Variants in NDFIP2 observed in about 807,000 individuals in gnomAD.
NDFIP2 encodes Nedd4 family interacting protein 2, also known as NEDD4 family-interacting protein 2.
In NDFIP2, 19 loss-of-function variants were observed where a neutral mutation model predicts 36.0. That is an observed-to-expected ratio of 0.53 (90% CI 0.37 to 0.77). The LOEUF is 0.77. Ranked by LOEUF, NDFIP2 falls within the 30% of genes least tolerant of loss-of-function variation. NDFIP2 has a pLI of 0.00. For synonymous variants in NDFIP2, 181 were observed against 167.7 expected, an observed-to-expected ratio of 1.08 and a Z score of -0.61; for missense variants, 446 against 435.8, an observed-to-expected ratio of 1.02 and a Z score of -0.21.
intron 1 of NDFIP2, among the ~76,000 whole-genome samples, chr13:79,488,674 G>C (rs1012129408): frequency 6.6e-6 from 1 of 152,086 alleles, no homozygotes; most frequent in South Asian, 2.1e-4. Context: ...ATATATAATA[G>C]CTATATATTA....
intron 5 of NDFIP2, among the ~76,000 whole-genome samples, chr13:79,545,415 C>T (rs1016223063): frequency 1.2e-4 from 19 of 152,150 alleles, no homozygotes; most frequent in African/African-American, 4.6e-4. Context: ...GAGTTTCTTA[C>T]AGTTTTGTAA....
chr13:79,510,217 A>G (rs1304133200), intron 1 of NDFIP2, among the ~76,000 whole-genome samples: 1 of 151,978 alleles, frequency 6.6e-6, no homozygotes, highest in Non-Finnish European at 1.5e-5. Context: ...TTTGACAGGC[A>G]GAAGTCCTGT....
intron 1 of NDFIP2, 149 bp from the exon 2 acceptor site, chr13:79,520,661 A>G (rs148406973): frequency 7.8e-5 from 45 of 579,046 alleles, no homozygotes; most frequent in African/African-American, 7.8e-4. Flanking sequence ...ACTTTGAAAT[A>G]CTAGTGTGAT....
At chr13:79,515,623 C>T (rs965242103) in intron 1 of NDFIP2, among the ~76,000 whole-genome samples, 4 of 152,134 alleles carry the variant, frequency 2.6e-5, no homozygotes, top group Non-Finnish European at 5.9e-5. Flanking sequence ...TATATGAGAA[C>T]GACTGCCATA....
intron 7 of NDFIP2, 27 bp downstream of exon 7, chr13:79,551,149 G>A: frequency 2.8e-6 from 4 of 1,426,606 alleles, no homozygotes; most frequent in Non-Finnish European, 2.9e-6. Flanking sequence ...TGTGAACTCT[G>A]CCTATTCCCT....
chr13:79,533,536 C>A, intron 3 of NDFIP2, 80 bp downstream of exon 3: 2 of 1,335,250 alleles, frequency 1.5e-6, no homozygotes, highest in Non-Finnish European at 2.0e-6. Context: ...AAAAACAGTT[C>A]TTTGTGTGTA....
intron 1 of NDFIP2, among the ~76,000 whole-genome samples, chr13:79,485,997 C>T (rs1872968503): frequency 6.6e-6 from 1 of 152,066 alleles, no homozygotes; most frequent in Admixed American, 6.6e-5. Flanking sequence ...CTAAAATGCC[C>T]CCAAATCTGA....
chr13:79,504,503 A>G (rs1220894261), intron 1 of NDFIP2, among the ~76,000 whole-genome samples: 1 of 152,196 alleles, frequency 6.6e-6, no homozygotes, highest in Non-Finnish European at 1.5e-5. Flanking sequence ...AATATTAAAC[A>G]TATTTCACCA....
intron 1 of NDFIP2, among the ~76,000 whole-genome samples, chr13:79,482,912 G>A (rs2079823817): frequency 6.6e-6 from 1 of 152,100 alleles, no homozygotes; most frequent in African/African-American, 2.4e-5. Context: ...GGTTTGAAAG[G>A]CATTTCTAGG....
chr13:79,517,220 G>T (rs1874385410), intron 1 of NDFIP2, among the ~76,000 whole-genome samples: 1 of 152,128 alleles, frequency 6.6e-6, no homozygotes, highest in African/African-American at 2.4e-5. Flanking sequence ...TTTTTCAGGA[G>T]GCTCATAAGT....
chr13:79,529,627 A>G (rs1874933039), intron 2 of NDFIP2, among the ~76,000 whole-genome samples: 1 of 152,208 alleles, frequency 6.6e-6, no homozygotes, highest in African/African-American at 2.4e-5. Flanking sequence ...TCAGTATTAT[A>G]CTGCTAGTAC....
At chr13:79,492,310 C>T (rs1033935973) in intron 1 of NDFIP2, among the ~76,000 whole-genome samples, 6 of 142,332 alleles carry the variant, frequency 4.2e-5, no homozygotes, top group African/African-American at 1.6e-4. Context: ...TTTTGTAGAA[C>T]ATTTGTTCTC....
rs529804990 is a variant in NDFIP2 at position 79,520,924 on chromosome 13, T to C, written c.436T>C (p.Ser146Pro). 4 of 1,613,632 alleles carry C rather than the reference T, an allele frequency of 2.5e-6. No homozygotes were observed. The South Asian group carries it at 4.4e-5, about 18-fold the overall frequency. ...ASSAPALETD[S>P]SPPPYSSITV... ...TTCAGCACCAGCACTTGAAACTGACTCTTCCCCTCCACCATATAGTAGTAT... is the reference window on the plus strand; with the variant it reads ...TTCAGCACCAGCACTTGAAACTGACCCTTCCCCTCCACCATATAGTAGTAT... The change falls in exon 2 of 8, where the codon TCT (serine) becomes CCT (proline). Residue 146 changes from serine (S) to proline (P), a missense_variant. This residue lies in a region of NDFIP2 where 369 missense variants were observed against 304.8 expected (regional missense o/e 1.21). Coordinates refer to ENST00000218652, the MANE Select transcript of NDFIP2 (RefSeq NM_019080.3).
intron 1 of NDFIP2, among the ~76,000 whole-genome samples, chr13:79,506,267 CTT>C (rs1873864538): frequency 6.6e-6 from 1 of 151,988 alleles, no homozygotes; most frequent in Non-Finnish European, 1.5e-5. Flanking sequence ...CATTTAAAAA[CTT>C]AACATGTTTG....
intron 3 of NDFIP2, among the ~76,000 whole-genome samples, chr13:79,534,350 GTTTTTTTTTT>G (rs532659161): frequency 2.1e-5 from 2 of 95,418 alleles, no homozygotes; most frequent in African/African-American, 4.0e-5. Context: ...TTTGTCAGCT[GTTTTTTTTTT>G]TTTTTTTTTT....
At chr13:79,533,302 C>A in intron 2 of NDFIP2, 21 bp from the exon 3 acceptor site, 2 of 1,584,646 alleles carry the variant, frequency 1.3e-6, no homozygotes, top group Non-Finnish European at 1.7e-6. Flanking sequence ...ATTGGTTATT[C>A]TTTTTGAATT....
intron 1 of NDFIP2, among the ~76,000 whole-genome samples, chr13:79,482,540 G>A (rs1358043799): frequency 6.6e-6 from 1 of 152,012 alleles, no homozygotes; most frequent in Non-Finnish European, 1.5e-5. Context: ...ACATAGCACT[G>A]GTGATGCAGT....
intron 3 of NDFIP2, among the ~76,000 whole-genome samples, chr13:79,538,593 T>G (rs963185590): frequency 1.3e-5 from 2 of 152,100 alleles, no homozygotes; most frequent in African/African-American, 4.8e-5. Context: ...AGTTCCAAGA[T>G]AATATTTTTT....
At chr13:79,526,132 A>G (rs1428597640) in intron 2 of NDFIP2, among the ~76,000 whole-genome samples, 2 of 152,210 alleles carry the variant, frequency 1.3e-5, no homozygotes, top group Admixed American at 1.3e-4. Context: ...ATGTGGATTC[A>G]AGCAATATGT....
Sources: allele counts gnomAD v4.1 joint callset (sites outside exome capture counted in the v4.1 genomes callset), GRCh38; gene constraint gnomAD v4.1.1; regional missense constraint gnomAD v4.1.1; transcripts MANE v1.5; gene names NCBI Gene and HGNC (gene_info 2026-07-23, HGNC 2026-07-21).